The following ASF1A variants were observed in gnomAD, a reference collection of about 807,000 sequenced individuals.
ASF1A encodes anti-silencing function 1A histone chaperone.
Under a neutral mutation model 22.0 loss-of-function variants are expected in ASF1A, and 5 were observed. The observed-to-expected ratio is 0.23, with a 90% CI of 0.12 to 0.48. The LOEUF (loss-of-function observed/expected upper bound fraction) is 0.48. Among genes scored for constraint, ASF1A ranks in the 20% least tolerant of loss-of-function variants. The pLI is 0.99. For missense variants in ASF1A, 137 were observed against 240.6 expected (o/e 0.57, Z 2.85); for synonymous variants, 97 against 86.7 (o/e 1.12, Z -0.66).
chr6:118,894,632 G>T, intron 1 of ASF1A, 110 bp downstream of exon 1: 1 of 972,590 alleles, frequency 1.0e-6, no homozygotes, highest in Non-Finnish European at 1.5e-6. Context: ...TGGCGGCCGC[G>T]GGCTGCTCTG....
intron 1 of ASF1A, 70 bp from the exon 2 acceptor site, chr6:118,900,693 TAAA>T (rs1779748650): frequency 1.8e-6 from 2 of 1,096,314 alleles, no homozygotes; most frequent in Admixed American, 3.4e-5. Flanking sequence ...AAGTGGACAT[TAAA>T]AGGGTCTTTG....
intron 2 of ASF1A, among the ~76,000 whole-genome samples, chr6:118,901,932 C>G (rs1779819789): frequency 6.6e-6 from 1 of 152,192 alleles, no homozygotes; most frequent in Non-Finnish European, 1.5e-5. Context: ...CAAAGAATCA[C>G]TTAGACACAT....
At chr6:118,894,878 C>A (rs1178494688) in intron 1 of ASF1A, among the ~76,000 whole-genome samples, 1 of 152,104 alleles carries the variant, frequency 6.6e-6, no homozygotes, top group Non-Finnish European at 1.5e-5. Flanking sequence ...CTCCGCGACC[C>A]TCCGGGCCCG....
intron 1 of ASF1A, among the ~76,000 whole-genome samples, chr6:118,895,686 TTTAA>T (rs1291260335): frequency 6.6e-6 from 1 of 152,228 alleles, no homozygotes; most frequent in African/African-American, 2.4e-5. Flanking sequence ...TTATCTTTGC[TTTAA>T]TTATCTTTTA....
At chr6:118,900,941 T>G in intron 2 of ASF1A, 60 bp downstream of exon 2, 1 of 1,156,342 alleles carries the variant, frequency 8.6e-7, no homozygotes, top group Non-Finnish European at 1.3e-6. Context: ...CTATATTATC[T>G]ATTATCTTAT....
chr6:118,903,445 A>G (rs530546442), intron 2 of ASF1A, among the ~76,000 whole-genome samples: 10 of 152,276 alleles, frequency 6.6e-5, no homozygotes, highest in African/African-American at 1.9e-4. Context: ...GAGCCACACG[A>G]GATTATAAAG....
At chr6:118,907,136 A>C (rs943109316) in intron 3 of ASF1A, among the ~76,000 whole-genome samples, 2 of 152,224 alleles carry the variant, frequency 1.3e-5, no homozygotes, top group African/African-American at 4.8e-5. Context: ...AAACAGAAGT[A>C]TAGGAGTTAA....
At chr6:118,895,223 C>T (rs1014138183) in intron 1 of ASF1A, among the ~76,000 whole-genome samples, 3 of 151,974 alleles carry the variant, frequency 2.0e-5, no homozygotes, top group South Asian at 2.1e-4. Flanking sequence ...CCGGCGCTCC[C>T]CGGGGGCCGT....
In ASF1A at chr6:118,905,693, A is replaced by G; in HGVS notation, c.267A>G (p.Ala89=). The change falls in exon 3 of 4, where the codon GCA becomes GCG. Residue 89 remains alanine (A), a synonymous_variant. Coordinates refer to ENST00000229595, the MANE Select transcript of ASF1A (RefSeq NM_014034.3). ...CAGGACTCATTCCAGATGCAGATGC[A>G]GTAGGCGTAACTGTTGTGCTAATTA... ...PNPGLIPDAD[A]VGVTVVLITC... 6.8e-6 allele frequency: 11 copies of G among 1,613,598 alleles called. No individual in the cohort carries two copies. The highest frequency in any genetic ancestry group is 7.6e-6 in the Non-Finnish European group (9 of 1,179,656).
chr6:118,899,427 G>GTGCC (rs1562429748), intron 1 of ASF1A, among the ~76,000 whole-genome samples: 3 of 152,010 alleles, frequency 2.0e-5, no homozygotes, highest in Admixed American at 1.3e-4. Flanking sequence ...CTTGCCAAGT[G>GTGCC]TGCCCTACCC....
Position 118,901,472 on chromosome 6 carries a change from T to A in ASF1A, c.225+591T>A, listed in dbSNP as rs59981471. ...AATCTACATTATCTTATAAGAGGAC[T>A]ACTTTTGCAAATTTACTACCCCACT... On this transcript the variant is annotated intron_variant, in intron 2 of 3. Transcript: ENST00000229595. Among the ~76,000 whole-genome samples the A allele has an allele frequency of 2.8e-3, 419 of 152,330 alleles. 1 individual carries two copies. Among genetic ancestry groups the A allele is most frequent in the African/African-American group, 9.4e-3 (391 of 41,580 alleles).
intron 2 of ASF1A, among the ~76,000 whole-genome samples, chr6:118,903,992 C>T (rs1017045318): frequency 6.8e-6 from 1 of 147,992 alleles, no homozygotes; most frequent in African/African-American, 2.7e-5. Flanking sequence ...TGGAGACAAA[C>T]TGAGAAGGGC....
intron 1 of ASF1A, among the ~76,000 whole-genome samples, chr6:118,899,598 A>C (rs116711583): frequency 1.4e-3 from 213 of 152,372 alleles, no homozygotes; most frequent in African/African-American, 4.9e-3. Context: ...TCTAGGACAG[A>C]GCCATGACAT....
intron 3 of ASF1A, among the ~76,000 whole-genome samples, chr6:118,906,045 T>C (rs191653059): frequency 7.9e-4 from 121 of 152,332 alleles, no homozygotes; most frequent in Middle Eastern, 3.4e-3. Context: ...GGCAGACACC[T>C]TGAGCATTTC....
In ASF1A at chr6:118,909,124, A is replaced by T. The variant is rs1780362728; in HGVS notation, c.*1510A>T. The T allele has an allele frequency of 1.3e-5, 2 of 152,216 alleles. No individual in the cohort carries two copies. 9.4% of individuals were successfully genotyped at this position (152,216 alleles called of 1,614,324 possible). ...ATTTGTCTAATTGCAATTAAAAGAA[A>T]AATGTTAAAATATTAAAATGAAAAT... On this transcript the variant is annotated 3_prime_UTR_variant, in exon 4 of 4. Transcript: ENST00000229595.
At chr6:118,901,266 G>T (rs569715086) in intron 2 of ASF1A, among the ~76,000 whole-genome samples, 1 of 152,272 alleles carries the variant, frequency 6.6e-6, no homozygotes, top group East Asian at 1.9e-4. Context: ...AACTGGCATT[G>T]TTAGTAATAT....
rs1779198053 is a variant in ASF1A at position 118,894,393 on chromosome 6, T to C, written c.-21T>C. On this transcript the variant is annotated 5_prime_UTR_variant, in exon 1 of 4. Transcript: ENST00000229595. ...TGCCGCAACCAGCCCCAGTTCCCAT[T>C]GTTTGTGTTTTTTTCAAAATATGGC... 1 of 1,536,288 alleles carries C rather than the reference T, an allele frequency of 6.5e-7. No homozygotes were observed.
chr6:118,905,943 G>A, intron 3 of ASF1A, 115 bp downstream of exon 3: 1 of 735,312 alleles, frequency 1.4e-6, no homozygotes, highest in Non-Finnish European at 2.1e-6. Flanking sequence ...TAAATATGAG[G>A]TCCTTATGCC....
chr6:118,897,454 A>G (rs1395095834), intron 1 of ASF1A, among the ~76,000 whole-genome samples: 1 of 152,090 alleles, frequency 6.6e-6, no homozygotes, highest in Non-Finnish European at 1.5e-5. Context: ...ATATATATAT[A>G]TATCTTAATT....
Sources: allele counts gnomAD v4.1 joint callset (sites outside exome capture counted in the v4.1 genomes callset), GRCh38; gene constraint gnomAD v4.1.1; transcripts MANE v1.5; gene names NCBI Gene and HGNC (gene_info 2026-07-23, HGNC 2026-07-21).